Variants in CEP44 observed in about 807,000 individuals in gnomAD.
CEP44 encodes centrosomal protein of 44 kDa.
Under a neutral mutation model 46.7 loss-of-function variants are expected in CEP44, and 45 were observed. The observed-to-expected ratio is 0.96, with a 90% confidence interval of 0.76 to 1.24. CEP44 has a LOEUF of 1.24. CEP44 is among the 50% of genes most tolerant of loss of function. CEP44 has a pLI of 0.00. For synonymous variants in CEP44, 142 were observed against 146.0 expected, an observed-to-expected ratio of 0.97 and a Z score of 0.20; for missense variants, 475 against 459.7, an observed-to-expected ratio of 1.03 and a Z score of -0.30.
chr4:174,321,803 A>G (rs1289440298), downstream of CEP44, among the ~76,000 whole-genome samples: 1 of 152,192 alleles, frequency 6.6e-6, no homozygotes, highest in Non-Finnish European at 1.5e-5. Flanking sequence ...AGTAAAATGA[A>G]GTAAATGAAG....
chr4:174,300,163 A>G (rs1421599646), intron 3 of CEP44, among the ~76,000 whole-genome samples: 1 of 152,176 alleles, frequency 6.6e-6, no homozygotes, highest in Non-Finnish European at 1.5e-5. Flanking sequence ...GGCTTTACAT[A>G]TAAGAATGGA....
chr4:174,291,787 C>CT (rs56201469), intron 1 of CEP44, among the ~76,000 whole-genome samples: 866 of 46,368 alleles, frequency 0.019, 86 homozygotes, highest in African/African-American at 0.029. Flanking sequence ...TTTTTCTTTT[C>CT]TTTTTTTTTT....
At chr4:174,304,893 G>C (rs953607997) in intron 6 of CEP44, among the ~76,000 whole-genome samples, 1 of 152,122 alleles carries the variant, frequency 6.6e-6, no homozygotes, top group East Asian at 1.9e-4. Flanking sequence ...TCTGCTTTGA[G>C]CAGCTGTGGC....
At chr4:174,328,671 C>A (rs1731141123) in intron 8 of CEP44, among the ~76,000 whole-genome samples, 1 of 152,032 alleles carries the variant, frequency 6.6e-6, no homozygotes, top group Non-Finnish European at 1.5e-5. Flanking sequence ...AAACTTATTT[C>A]TTTCATTTTT....
chr4:174,323,684 T>C (rs900936968), downstream of CEP44, among the ~76,000 whole-genome samples: 1 of 152,122 alleles, frequency 6.6e-6, no homozygotes, highest in Non-Finnish European at 1.5e-5. Flanking sequence ...TGCTGATCTG[T>C]GCGAGTGCAG....
At position 174,326,766 on chromosome 4, in the gene CEP44, T is replaced by C. The variant is rs2077036413; in HGVS notation, c.1087-4716T>C. ...GGATACAATTTTAGGTGAATAGGGA[T>C]TTTTGGTTTTTTTGTTTGTTGTTTT... On this transcript the variant is annotated intron_variant, in intron 8 of 8. Coordinates refer to the CEP44 transcript ENST00000426172. The surrounding 1 kb of genome is among the most constrained non-coding windows in gnomAD (Gnocchi z 4.8). Among the ~76,000 whole-genome samples the C allele has an allele frequency of 6.6e-6, 1 of 152,002 alleles. No individual in the cohort carries two copies. The highest frequency in any genetic ancestry group is 6.6e-5 in the Admixed American group (1 of 15,242).
At position 174,290,447 on chromosome 4, in the gene CEP44, T is replaced by G. The variant is rs114235062; in HGVS notation, c.-148+6504T>G. ...TCTTCTTAAATTTGTTAAGACTTGT[T>G]TTGTGACCTAGGCTGTGATCAGTTA... On this transcript the variant is annotated intron_variant, in intron 1 of 11. Coordinates refer to ENST00000503780, the MANE Select transcript of CEP44 (RefSeq NM_001040157.3). This position sits in a 1 kb window ranked among gnomAD's most constrained non-coding sequence, Gnocchi z 4.3. Among the ~76,000 whole-genome samples, 1,691 of 103,630 alleles carry G rather than the reference T, an allele frequency of 0.016. 45 individuals are homozygous for G. Among genetic ancestry groups the G allele is most frequent in the African/African-American group, 0.044 (1,606 of 36,694 alleles). The allele number at this position is 103,630 out of a possible 152,430, so 68.0% of individuals were successfully genotyped here.
downstream of CEP44, among the ~76,000 whole-genome samples, chr4:174,321,430 A>G (rs1742310012): frequency 6.6e-6 from 1 of 152,148 alleles, no homozygotes; most frequent in South Asian, 2.1e-4. Context: ...TATAAATAGG[A>G]ATTAAAACAT....
chr4:174,293,087 G>A (rs999847586), intron 1 of CEP44, among the ~76,000 whole-genome samples: 2 of 152,188 alleles, frequency 1.3e-5, no homozygotes, highest in African/African-American at 4.8e-5. Flanking sequence ...CACTTAGGTG[G>A]AGCCAGGTTG....
rs374868449 is a variant in CEP44, at chr4:174,329,341, GAC to G, written c.1087-2123_1087-2122del. ...TTGCTCAAACACAGACACACACACA[GAC>G]ACACACACACACACACATTTTAATA... On this transcript the variant is annotated intron_variant, in intron 8 of 8. Transcript: ENST00000426172. The surrounding 1 kb of genome is among the most constrained non-coding windows in gnomAD (Gnocchi z 4.0). Among the ~76,000 whole-genome samples the G allele has an allele frequency of 1.7e-4, 25 of 150,254 alleles. No homozygotes were observed. Among genetic ancestry groups the G allele is most frequent in the African/African-American group, 4.1e-4 (17 of 41,008 alleles).
intron 6 of CEP44, among the ~76,000 whole-genome samples, chr4:174,306,995 C>T (rs1055310214): frequency 6.6e-6 from 1 of 152,134 alleles, no homozygotes; most frequent in African/African-American, 2.4e-5. Context: ...ATTCCATGCT[C>T]ATGGATAGGA....
At position 174,299,102 on chromosome 4, in the gene CEP44, G is replaced by A. The variant is rs1293707076; in HGVS notation, c.-20G>A. 6.2e-7 allele frequency: 1 copy of A among 1,600,726 alleles called. No individual in the cohort carries two copies. The highest frequency in any genetic ancestry group is 1.7e-5 in the Admixed American group (1 of 58,802). On this transcript the variant is annotated 5_prime_UTR_variant, in exon 3 of 12. Coordinates refer to ENST00000503780, the MANE Select transcript of CEP44 (RefSeq NM_001040157.3). ...AAATTAGACGATTTCAAGAATTGGA[G>A]CTGAATCTGATGTTAAGTAATGGCA...
Position 174,319,320 on chromosome 4 carries a change from G to C in CEP44, c.*1937G>C, listed in dbSNP as rs1742078769. ...TTATAAGGGAAAAAACTTCTGTATC[G>C]ATTAACTCCTAAAATATCAGTACCA... On this transcript the variant is annotated 3_prime_UTR_variant, in exon 12 of 12. Transcript: ENST00000503780. 1 of 981,616 alleles carries C rather than the reference G, an allele frequency of 1.0e-6. No individual in the cohort carries two copies. Among genetic ancestry groups the C allele is most frequent in the Admixed American group, 6.2e-5 (1 of 16,248 alleles). 60.8% of individuals were successfully genotyped at this position (981,616 alleles called of 1,614,324 possible). A position where few individuals can be genotyped will look rare whatever the true frequency, so the allele number is the denominator to read the frequency against.
intron 1 of CEP44, among the ~76,000 whole-genome samples, chr4:174,293,345 G>A (rs910341273): frequency 2.6e-5 from 4 of 152,154 alleles, no homozygotes; most frequent in African/African-American, 9.7e-5. Context: ...GACTCCAGAA[G>A]GATGTCACAG....
At position 174,318,221 on chromosome 4, in the gene CEP44, G is replaced by A. The variant is rs7684619; in HGVS notation, c.*838G>A. 0.17 allele frequency: 115,873 copies of A among 664,710 alleles called. 11,176 individuals are homozygous for A. Among genetic ancestry groups the A allele is most frequent in the East Asian group, 0.58 (4,198 of 7,202 alleles). The allele number at this position is 664,710 out of a possible 1,614,324, so 41.2% of individuals were successfully genotyped here. A position where few individuals can be genotyped will look rare whatever the true frequency, so the allele number is the denominator to read the frequency against. ...TGGGATTATAGGCATGCACCACCAT[G>A]CCCAGCTAATTTTGTATTTTTATTA... On this transcript the variant is annotated 3_prime_UTR_variant, in exon 12 of 12. Transcript: ENST00000503780.
chr4:174,284,216 C>T (rs1361919650), intron 1 of CEP44: 1 of 397,394 alleles, frequency 2.5e-6, no homozygotes, highest in African/African-American at 2.1e-5. Flanking sequence ...CTTACAGAGA[C>T]CCCGGGCGGA....
rs1296385126 is a variant in CEP44, at chr4:174,302,055, CCAGCAGCATCTTTGCCCAT to C, written c.109_127del (p.Ala37SerfsTer12). The C allele has an allele frequency of 1.2e-6, 2 of 1,603,574 alleles. No individual in the cohort carries two copies. Among genetic ancestry groups the C allele is most frequent in the Admixed American group, 3.5e-5 (2 of 57,258 alleles). Reference sequence around the variant, plus strand: ...TCCTAACAGTTTGATAAAGGGAGACCCAGCAGCATCTTTGCCCATCATCAGCTATTCTTTTACCTCATAC... The same window carrying C: ...TCCTAACAGTTTGATAAAGGGAGACCCATCAGCTATTCTTTTACCTCATAC... On this transcript the variant is annotated frameshift_variant, in exon 4 of 12. Transcript: ENST00000503780. LOFTEE classifies it high-confidence loss of function.
At chr4:174,316,389 A>G in intron 10 of CEP44, 99 bp downstream of exon 10, 1 of 1,396,686 alleles carries the variant, frequency 7.2e-7, no homozygotes, top group South Asian at 1.2e-5. Context: ...AGCAAACGCG[A>G]ATCTTAGTCT....
At position 174,310,878 on chromosome 4, in the gene CEP44, G is replaced by C. The variant is rs1265756204; in HGVS notation, c.961+20G>C. The stretch of plus-strand genomic sequence containing the variant: ...ATCCTCGTAAGTTTGTAAATACTAT[G>C]AGAATTGGTATGATGAGTTTTCAGA... On this transcript the variant is annotated intron_variant, in intron 9 of 11. Coordinates refer to ENST00000503780, the MANE Select transcript of CEP44 (RefSeq NM_001040157.3). The surrounding 1 kb of genome is among the most constrained non-coding windows in gnomAD (Gnocchi z 4.2). 6 of 1,130,448 alleles carry C rather than the reference G, an allele frequency of 5.3e-6. No homozygotes were observed. The highest frequency in any genetic ancestry group is 7.8e-6 in the Non-Finnish European group (6 of 766,816). The allele number at this position is 1,130,448 out of a possible 1,614,324, so 70.0% of individuals were successfully genotyped here.
Sources: gnomAD v4.1 joint callset for allele counts (sites outside exome capture counted in the v4.1 genomes callset) on GRCh38, gnomAD v4.1.1 for gene constraint, Gnocchi (gnomAD v3.1) non-coding constraint, MANE v1.5 for transcripts, NCBI Gene and HGNC (gene_info 2026-07-23, HGNC 2026-07-21) for gene names.